CMC2: variants seen among roughly 807,000 people sequenced by gnomAD.
CMC2 encodes COX assembly mitochondrial protein 2 homolog.
Under a neutral mutation model 7.5 loss-of-function variants are expected in CMC2, and 5 were observed. That is an observed-to-expected ratio of 0.66 (90% CI 0.35 to 1.40). CMC2 has a LOEUF of 1.40. Among genes scored for constraint, CMC2 ranks in the 40% most tolerant of loss-of-function variants. The pLI, the probability that CMC2 is intolerant of heterozygous loss-of-function variation, is 0.04. For missense variants in CMC2, 115 were observed against 92.3 expected (o/e 1.25, Z -1.01); for synonymous variants, 37 against 31.4 (o/e 1.18, Z -0.60).
chr16:80,992,258 C>CT (rs1300032166), intron 2 of CMC2, among the ~76,000 whole-genome samples: 1 of 152,192 alleles, frequency 6.6e-6, no homozygotes, highest in African/African-American at 2.4e-5. Context: ...CGTTCAACTA[C>CT]TTTACGTTGG....
At position 80,972,694 on chromosome 16, in the gene CMC2, G is replaced by A. The variant is rs1261025630; in HGVS notation, c.*3399C>T. On this transcript the variant is annotated 3_prime_UTR_variant, in exon 4 of 4. Transcript: ENST00000219400. Reference sequence around the variant, plus strand: ...GGCCTAAGTTCTTCAGCTTCCAAGAGATGGTCTCTTATGACCCAAAAGTTT... The same window carrying A: ...GGCCTAAGTTCTTCAGCTTCCAAGAAATGGTCTCTTATGACCCAAAAGTTT... 3 of 152,278 alleles carry A rather than the reference G, an allele frequency of 2.0e-5. No individual in the cohort carries two copies. The highest frequency in any genetic ancestry group is 2.0e-4 in the Admixed American group (3 of 15,284). 9.4% of individuals were successfully genotyped at this position (152,278 alleles called of 1,614,324 possible).
rs371468561 is a variant in CMC2, at chr16:80,971,799, T to G, written c.*4294A>C. ...ATAGCAGCTATGTGAGTGTTCGTAT[T>G]AGTCTGTATAGTTTTCTGTAAACCT... On this transcript the variant is annotated 3_prime_UTR_variant, in exon 4 of 4. Transcript: ENST00000219400. 6.6e-6 allele frequency: 1 copy of G among 152,032 alleles called. No homozygotes were observed. The highest frequency in any genetic ancestry group is 2.4e-5 in the African/African-American group (1 of 41,338). 9.4% of individuals were successfully genotyped at this position (152,032 alleles called of 1,614,324 possible).
Position 81,006,855 on chromosome 16 carries a change from G to A in CMC2, c.-157C>T, listed in dbSNP as rs952143436. On this transcript the variant is annotated 5_prime_UTR_variant, in exon 1 of 4. Coordinates refer to ENST00000219400, the MANE Select transcript of CMC2 (RefSeq NM_020188.5). ...TTGCCAGACGCCGAAACCCAGTGAC[G>A]CCCTCCACCGCTCCACCGTGCTCCC... The A allele has an allele frequency of 2.6e-5, 26 of 985,750 alleles. No individual in the cohort carries two copies. The highest frequency in any genetic ancestry group is 3.5e-5 in the African/African-American group (2 of 57,262). The allele number at this position is 985,750 out of a possible 1,614,324, so 61.1% of individuals were successfully genotyped here. A position where few individuals can be genotyped will look rare whatever the true frequency, so the allele number is the denominator to read the frequency against.
intron 2 of CMC2, among the ~76,000 whole-genome samples, chr16:80,992,548 A>G (rs1968084180): frequency 6.6e-6 from 1 of 152,144 alleles, no homozygotes; most frequent in Non-Finnish European, 1.5e-5. Flanking sequence ...CCCTGCAGAT[A>G]AGTAATGGTA....
chr16:80,976,478 A>T (rs1912367240), intron 3 of CMC2, among the ~76,000 whole-genome samples: 1 of 152,202 alleles, frequency 6.6e-6, no homozygotes, highest in African/African-American at 2.4e-5. Flanking sequence ...CCAAAATTTG[A>T]ATTAAATAAG....
chr16:80,998,395 T>C (rs903273506), intron 1 of CMC2: 1 of 152,002 alleles, frequency 6.6e-6, no homozygotes, highest in African/African-American at 2.4e-5. Context: ...AAAGAGGATG[T>C]GGAGAAACTG....
At position 81,006,741 on chromosome 16, in the gene CMC2, G is replaced by C. The variant is rs916505792; in HGVS notation, c.-43C>G. The C allele has an allele frequency of 2.0e-6, 2 of 985,466 alleles. No individual in the cohort carries two copies. Among genetic ancestry groups the C allele is most frequent in the Non-Finnish European group, 2.4e-6 (2 of 830,096 alleles). The allele number at this position is 985,466 out of a possible 1,614,324, so 61.0% of individuals were successfully genotyped here. ...TGGACTCCCGAGACTCACCCGACTC[G>C]TGGCCACACCGGGAGAACTGAAGCG... On this transcript the variant is annotated 5_prime_UTR_variant, in exon 1 of 4. Transcript: ENST00000219400.
chr16:80,990,837 A>G (rs1046826790), intron 2 of CMC2, among the ~76,000 whole-genome samples: 4 of 151,420 alleles, frequency 2.6e-5, no homozygotes, highest in Non-Finnish European at 5.9e-5. Context: ...TCCCACCTCA[A>G]CCTCAGCCTC....
At chr16:80,999,029 G>T (rs1968643047) in intron 1 of CMC2, 1 of 152,128 alleles carries the variant, frequency 6.6e-6, no homozygotes, top group African/African-American at 2.4e-5. Context: ...TTGAGGACCG[G>T]AACAAGGGAA....
At chr16:80,977,328 A>G (rs1320175586) in intron 3 of CMC2, among the ~76,000 whole-genome samples, 1 of 152,238 alleles carries the variant, frequency 6.6e-6, no homozygotes, top group Non-Finnish European at 1.5e-5. Context: ...CTACATTTAA[A>G]GCAGAGGACC....
At chr16:81,002,117 T>G (rs1283026897) in intron 1 of CMC2, among the ~76,000 whole-genome samples, 1 of 152,170 alleles carries the variant, frequency 6.6e-6, no homozygotes, top group Non-Finnish European at 1.5e-5. Flanking sequence ...CCTTATTTTT[T>G]CCTAAAGAAA....
chr16:80,992,297 G>C (rs1024469958), intron 2 of CMC2, among the ~76,000 whole-genome samples: 8 of 152,178 alleles, frequency 5.3e-5, no homozygotes, highest in Admixed American at 2.0e-4. Flanking sequence ...TTTTCCAAGT[G>C]CAAACAACAC....
At chr16:80,977,109 CAT>C (rs1487009609) in intron 3 of CMC2, among the ~76,000 whole-genome samples, 2 of 152,168 alleles carry the variant, frequency 1.3e-5, no homozygotes, top group Non-Finnish European at 2.9e-5. Context: ...CCTATTGACT[CAT>C]ATGGAAATAC....
intron 1 of CMC2, among the ~76,000 whole-genome samples, chr16:81,000,085 TAA>T (rs979561160): frequency 2.6e-5 from 4 of 152,098 alleles, no homozygotes; most frequent in African/African-American, 9.7e-5. Flanking sequence ...ATGAATAGAA[TAA>T]AGACAACCTA....
chr16:81,006,878 C>G lies in CMC2; in HGVS notation c.-180G>C, dbSNP rs907350193. 1.0e-6 allele frequency: 1 copy of G among 986,102 alleles called. No individual in the cohort carries two copies. The highest frequency in any genetic ancestry group is 1.2e-6 in the Non-Finnish European group (1 of 830,582). The allele number at this position is 986,102 out of a possible 1,614,324, so 61.1% of individuals were successfully genotyped here. On this transcript the variant is annotated 5_prime_UTR_variant, in exon 1 of 4. Transcript: ENST00000219400. ...ACGCCCTCCACCGCTCCACCGTGCT[C>G]CCGGCTCCTCGCCCCCGCCGCCCGC...
At chr16:80,977,236 T>G (rs1011187524) in intron 3 of CMC2, among the ~76,000 whole-genome samples, 4 of 152,232 alleles carry the variant, frequency 2.6e-5, no homozygotes. Flanking sequence ...TCAAGAGGTT[T>G]TCAGCCTAGT....
At chr16:80,991,025 CTT>C (rs34157796) in intron 2 of CMC2, among the ~76,000 whole-genome samples, 9,660 of 142,156 alleles carry the variant, frequency 0.068, 400 homozygotes, top group East Asian at 0.2. Flanking sequence ...CCAAGCCTGG[CTT>C]TTTTTTTTTT....
intron 2 of CMC2, chr16:80,983,284 G>C (rs1269002816): frequency 6.6e-6 from 1 of 152,230 alleles, no homozygotes; most frequent in African/African-American, 2.4e-5. Context: ...ATGGGGGTCA[G>C]TGCCCCGAAC....
Position 81,003,442 on chromosome 16 carries a change from A to C in CMC2, c.-36+3292T>G, listed in dbSNP as rs145881285. ...AACCTTATGAAACGGGTAGCCTTTT[A>C]AATTCAGTTGAACCATGAGAAACTG... is the stretch of plus-strand genomic sequence containing the variant. On this transcript the variant is annotated intron_variant, in intron 1 of 3. Coordinates refer to ENST00000219400, the MANE Select transcript of CMC2 (RefSeq NM_020188.5). 5.0e-3 allele frequency among the ~76,000 whole-genome samples: 765 copies of C among 152,320 alleles called. 4 individuals carry two copies. The highest frequency in any genetic ancestry group is 0.018 in the South Asian group (89 of 4,824).
Sources: gnomAD v4.1 joint callset for allele counts (sites outside exome capture counted in the v4.1 genomes callset) on GRCh38, gnomAD v4.1.1 for gene constraint, MANE v1.5 for transcripts, NCBI Gene and HGNC (gene_info 2026-07-23, HGNC 2026-07-21) for gene names.